The following RSRP1 variants were observed in gnomAD, a reference collection of about 807,000 sequenced individuals.
The protein encoded by RSRP1 is arginine/serine-rich protein 1.
Under a neutral mutation model 33.0 loss-of-function variants are expected in RSRP1, and 37 were observed. That is an observed-to-expected ratio of 1.12 (90% CI 0.86 to 1.48). The LOEUF (loss-of-function observed/expected upper bound fraction) is 1.48, where lower values mean the gene tolerates loss of function less well. RSRP1 is among the 40% of genes most tolerant of loss of function. The pLI is 0.00. For missense variants in RSRP1, 402 were observed against 385.3 expected (o/e 1.04, Z -0.36); for synonymous variants, 167 against 158.7 (o/e 1.05, Z -0.40).
chr1:25,246,129 T>A (rs907393461), intron 2 of RSRP1: 3 of 318,410 alleles, frequency 9.4e-6, no homozygotes, highest in Non-Finnish European at 1.7e-5. Context: ...TGTTTTGATA[T>A]TGTTCTTCCC....
In RSRP1 at chr1:25,321,976, C is replaced by T. The variant is rs756969212; in HGVS notation, c.-67+16002G>A. 54 of 1,204,318 alleles carry T rather than the reference C, an allele frequency of 4.5e-5. 15 individuals carry two copies. Among genetic ancestry groups the T allele is most frequent in the Non-Finnish European group, 6.5e-5 (53 of 820,136 alleles). The allele number at this position is 1,204,318 out of a possible 1,614,324, so 74.6% of individuals were successfully genotyped here. ...GTTTTCTGGAAGGTAAGATTTTTCA[C>T]CTATTAACGTGATAGATTTTGAGTG... On this transcript the variant is annotated intron_variant, in intron 1 of 1. Transcript: ENST00000561867.
Position 25,319,564 on chromosome 1 carries a change from A to G in RSRP1, c.-67+18414T>C, listed in dbSNP as rs865827083. Among the ~76,000 whole-genome samples, 158 of 132,120 alleles carry G rather than the reference A, an allele frequency of 1.2e-3. 17 individuals carry two copies. The highest frequency in any genetic ancestry group is 3.8e-3 in the African/African-American group (149 of 38,706). The allele number at this position is 132,120 out of a possible 152,430, so 86.7% of individuals were successfully genotyped here. A position where few individuals can be genotyped will look rare whatever the true frequency, so the allele number is the denominator to read the frequency against. Reference sequence around the variant, plus strand: ...GCAGAAGTTGCAGTGAGCTGAGATCATGCCACTGCACTCCAGCCTGGACAA... The same window carrying G: ...GCAGAAGTTGCAGTGAGCTGAGATCGTGCCACTGCACTCCAGCCTGGACAA... On this transcript the variant is annotated intron_variant, in intron 1 of 1. Coordinates refer to the RSRP1 transcript ENST00000561867.
chr1:25,245,791 T>C (rs2124536510), intron 2 of RSRP1, among the ~76,000 whole-genome samples: 1 of 152,360 alleles, frequency 6.6e-6, no homozygotes, highest in African/African-American at 2.4e-5. Flanking sequence ...ATTATTTTGC[T>C]TTCTCTTCAA....
chr1:25,334,470 G>A (rs1226695613), intron 1 of RSRP1, among the ~76,000 whole-genome samples: 1 of 131,666 alleles, frequency 7.6e-6, no homozygotes. Flanking sequence ...GGTACACGGT[G>A]CAAGCTGTCG....
intron 1 of RSRP1, among the ~76,000 whole-genome samples, chr1:25,324,460 A>G (rs1557571658): frequency 6.6e-6 from 1 of 151,574 alleles, no homozygotes; most frequent in Non-Finnish European, 1.5e-5. Context: ...TAATGTATGT[A>G]TTATGTAGGC....
At position 25,246,554 on chromosome 1, in the gene RSRP1, TG is replaced by T. The variant is rs1639418680; in HGVS notation, c.409del (p.Gln137SerfsTer34). ...TGTGCGACCAAAGCCGTAGTAGCGC[TG>T]TCCCCGCGCGATCGCGTACGCCCTT... is the stretch of plus-strand genomic sequence containing the variant. ...CGRAYAIARG[Q>X]RYYGFGRTVY... On this transcript the variant is annotated frameshift_variant, in exon 2 of 5. Coordinates refer to ENST00000243189, the MANE Select transcript of RSRP1 (RefSeq NM_020317.5). LOFTEE classifies it high-confidence loss of function. 6.2e-7 allele frequency: 1 copy of T among 1,614,106 alleles called. No individual in the cohort carries two copies. Among genetic ancestry groups the T allele is most frequent in the South Asian group, 1.1e-5 (1 of 91,096 alleles).
chr1:25,255,425 T>C (rs1393083776), intron 1 of RSRP1, among the ~76,000 whole-genome samples: 2 of 152,190 alleles, frequency 1.3e-5, no homozygotes, highest in African/African-American at 2.4e-5. Flanking sequence ...TCGATCCTCA[T>C]GCTGACAACA....
At chr1:25,261,407 T>A (rs111448224) in intron 1 of RSRP1, among the ~76,000 whole-genome samples, 1 of 141,896 alleles carries the variant, frequency 7.0e-6, no homozygotes, top group Non-Finnish European at 1.6e-5. Context: ...GATTTCTTTC[T>A]TTTTTTTTTT....
chr1:25,312,953 A>AAAC (rs1644243317), intron 1 of RSRP1, among the ~76,000 whole-genome samples: 2 of 110,972 alleles, frequency 1.8e-5, no homozygotes, highest in Admixed American at 9.0e-5. Context: ...AAAAAAAAAA[A>AAAC]AACTTTAGTG....
At position 25,306,673 on chromosome 1, in the gene RSRP1, A is replaced by G. The variant is rs778877269; in HGVS notation, c.-67+31305T>C. The stretch of plus-strand genomic sequence containing the variant: ...ACTTCAGCTTGCTGGGTCTGCTTGG[A>G]GAGATCATCTACATTGTGCTGCTGG... On this transcript the variant is annotated intron_variant, in intron 1 of 1. Coordinates refer to the RSRP1 transcript ENST00000561867. 4 of 1,378,126 alleles carry G rather than the reference A, an allele frequency of 2.9e-6. 1 individual carries two copies. The African/African-American group carries it at 4.3e-5, about 15-fold the overall frequency. 85.4% of individuals were successfully genotyped at this position (1,378,126 alleles called of 1,614,324 possible). A position where few individuals can be genotyped will look rare whatever the true frequency, so the allele number is the denominator to read the frequency against.
Position 25,245,136 on chromosome 1 carries a change from C to T in RSRP1, c.672+14G>A, listed in dbSNP as rs181182007. On this transcript the variant is annotated intron_variant, in intron 3 of 4. Coordinates refer to ENST00000243189, the MANE Select transcript of RSRP1 (RefSeq NM_020317.5). ...TTTCTGAAAGTTTTGTTCCGACAAACCTAGAATACTTACTTCAGGCTTTGC... is the reference window on the plus strand; with the variant it reads ...TTTCTGAAAGTTTTGTTCCGACAAATCTAGAATACTTACTTCAGGCTTTGC... 1.1e-4 allele frequency: 184 copies of T among 1,614,162 alleles called. 1 individual carries two copies. In the East Asian group the frequency reaches 3.4e-3, roughly 30 times the overall value.
chr1:25,256,969 C>G (rs1639968597), intron 1 of RSRP1, among the ~76,000 whole-genome samples: 2 of 152,218 alleles, frequency 1.3e-5, no homozygotes, highest in Non-Finnish European at 2.9e-5. Context: ...TTTGGGCAGC[C>G]TGGCTTGGAG....
intron 1 of RSRP1, among the ~76,000 whole-genome samples, chr1:25,280,377 C>G (rs1641375697): frequency 8.0e-6 from 1 of 124,584 alleles, no homozygotes; most frequent in Admixed American, 7.8e-5. Context: ...GCGATCTCGG[C>G]TCACTGCAAC....
rs773601643 is a variant in RSRP1, at chr1:25,282,114, T to C, written c.-66-35085A>G. ...GTCACTGTACTAAACATTATTTCCT[T>C]TGGATTTCCCAGAAACCTCTCAGGT... On this transcript the variant is annotated intron_variant, in intron 1 of 1. Coordinates refer to the RSRP1 transcript ENST00000561867. 3.8e-4 allele frequency among the ~76,000 whole-genome samples: 51 copies of C among 132,550 alleles called. 12 individuals carry two copies. Among genetic ancestry groups the C allele is most frequent in the Admixed American group, 1.5e-3 (20 of 13,590 alleles). 87.0% of individuals were successfully genotyped at this position (132,550 alleles called of 152,430 possible).
Position 25,246,938 on chromosome 1 carries a change from C to T in RSRP1, c.26G>A (p.Trp9Ter), listed in dbSNP as rs1639484824. The change falls in exon 2 of 5, where the codon TGG becomes TAG. Residue 9 changes from tryptophan (W) to a stop codon, truncating the protein, a stop_gained. Coordinates refer to ENST00000243189, the MANE Select transcript of RSRP1 (RefSeq NM_020317.5). LOFTEE classifies it high-confidence loss of function. MSNYVNDMWPGSPQEKDSP... is the reference protein window; with the variant it reads MSNYVNDM ...ATCCTTCTCCTGCGGCGAGCCCGGC[C>T]ACATGTCGTTCACGTAGTTGGACAT... 6.3e-7 allele frequency: 1 copy of T among 1,587,010 alleles called. No homozygotes were observed. Among genetic ancestry groups the T allele is most frequent in the East Asian group, 2.3e-5 (1 of 44,348 alleles).
chr1:25,313,920 A>T (rs1318137347), intron 1 of RSRP1, among the ~76,000 whole-genome samples: 2 of 133,240 alleles, frequency 1.5e-5, no homozygotes, highest in Non-Finnish European at 3.6e-5. Context: ...AGAATCTAAG[A>T]AAAGATAGTT....
In RSRP1 at chr1:25,329,494, C is replaced by T. The variant is rs530884028; in HGVS notation, c.-67+8484G>A. On this transcript the variant is annotated intron_variant, in intron 1 of 1. Coordinates refer to the RSRP1 transcript ENST00000561867. ...CTGACCTCAAGTGATCTGCCCGCCT[C>T]GGCCTCCCAAAGTGCTGGAACCACA... 53 of 206,366 alleles carry T rather than the reference C, an allele frequency of 2.6e-4. 9 individuals carry two copies. Among genetic ancestry groups the T allele is most frequent in the South Asian group, 2.4e-3 (53 of 22,242 alleles). 12.8% of individuals were successfully genotyped at this position (206,366 alleles called of 1,614,324 possible). A position where few individuals can be genotyped will look rare whatever the true frequency, so the allele number is the denominator to read the frequency against.
At chr1:25,244,651 T>C in intron 3 of RSRP1, 2 of 1,226,558 alleles carry the variant, frequency 1.6e-6, no homozygotes, top group South Asian at 1.4e-5. Flanking sequence ...CTAATAACGG[T>C]GTTATAAGAG....
chr1:25,248,882 C>A (rs1287871390), upstream of RSRP1, among the ~76,000 whole-genome samples: 1 of 152,168 alleles, frequency 6.6e-6, no homozygotes, highest in Non-Finnish European at 1.5e-5. Flanking sequence ...GTCGCGGTGG[C>A]TCACGCTTGT....
Sources: allele counts gnomAD v4.1 joint callset (sites outside exome capture counted in the v4.1 genomes callset), GRCh38; gene constraint gnomAD v4.1.1; transcripts MANE v1.5; gene names NCBI Gene and HGNC (gene_info 2026-07-23, HGNC 2026-07-21).